The following HDAC5 variants were observed in gnomAD, a reference collection of about 807,000 sequenced individuals.
The protein encoded by HDAC5 is antigen NY-CO-9.
In HDAC5, 25 loss-of-function variants were observed where a neutral mutation model predicts 133.3. The observed-to-expected ratio is 0.19, with a 90% CI of 0.14 to 0.26. The LOEUF is 0.26. HDAC5 is among the 10% of genes least tolerant of loss of function. HDAC5 has a pLI of 1.00. For synonymous variants in HDAC5, 589 were observed against 610.8 expected (o/e 0.96, Z 0.53); for missense variants, 1,041 against 1,460.5 (o/e 0.71, Z 4.68).
At chr17:44,107,335 G>A (rs1420133723) in intron 3 of HDAC5, among the ~76,000 whole-genome samples, 7 of 152,166 alleles carry the variant, frequency 4.6e-5, no homozygotes, top group African/African-American at 7.2e-5. Context: ...AGGGCCGGGC[G>A]TGGTGGCTCA....
intron 3 of HDAC5, among the ~76,000 whole-genome samples, chr17:44,095,712 G>C (rs961715373): frequency 1.3e-5 from 2 of 152,094 alleles, no homozygotes; most frequent in Non-Finnish European, 2.9e-5. Context: ...TGGGGGGAGG[G>C]GGAATAAGAG....
In HDAC5 at chr17:44,117,401, A is replaced by G. The variant is rs2052713899; in HGVS notation, c.22+93T>C. ...CCCCTCATTCCCTTATAGCTCAGAC[A>G]GTAAAGGTCAGCTGGCCTGGAAGGG... On this transcript the variant is annotated intron_variant, in intron 2 of 26. Transcript: ENST00000682912. The surrounding 1 kb of genome is among the most constrained non-coding windows in gnomAD (Gnocchi z 4.2). The G allele has an allele frequency of 1.5e-6, 2 of 1,348,216 alleles. No homozygotes were observed. Among genetic ancestry groups the G allele is most frequent in the African/African-American group, 2.9e-5 (2 of 69,814 alleles). The allele number at this position is 1,348,216 out of a possible 1,614,324, so 83.5% of individuals were successfully genotyped here. A position where few individuals can be genotyped will look rare whatever the true frequency, so the allele number is the denominator to read the frequency against.
At chr17:44,096,567 G>C (rs376105790) in intron 3 of HDAC5, among the ~76,000 whole-genome samples, 19 of 150,392 alleles carry the variant, frequency 1.3e-4, no homozygotes, top group African/African-American at 4.4e-4. Context: ...TCTGCCTCCT[G>C]GGTTCAAGCA....
At chr17:44,116,545 A>G (rs993471386) in intron 2 of HDAC5, among the ~76,000 whole-genome samples, 7 of 152,298 alleles carry the variant, frequency 4.6e-5, no homozygotes, top group Non-Finnish European at 7.4e-5. Flanking sequence ...CCCTATCTCT[A>G]AAAGGAGAAA....
rs112160272 is a variant in HDAC5 at position 44,083,420 on chromosome 17, G to A, written c.2463+125C>T. ...CAGCTGGCAACTCCTTCCCACCCTG[G>A]TGCCTGAGAGTTGAGCTTGCAAAGG... On this transcript the variant is annotated intron_variant, in intron 18 of 26. Transcript: ENST00000682912. The A allele has an allele frequency of 6.2e-3, 4,128 of 663,782 alleles. 130 individuals carry two copies. The African/African-American group carries it at 0.066, about 11-fold the overall frequency. The allele number at this position is 663,782 out of a possible 1,614,324, so 41.1% of individuals were successfully genotyped here. A position where few individuals can be genotyped will look rare whatever the true frequency, so the allele number is the denominator to read the frequency against.
Position 44,092,413 on chromosome 17 carries a change from CTCT to C in HDAC5, c.884_886del (p.Lys295del). 1 of 1,613,912 alleles carries C rather than the reference CTCT, an allele frequency of 6.2e-7. No individual in the cohort carries two copies. The highest frequency in any genetic ancestry group is 8.5e-7 in the Non-Finnish European group (1 of 1,179,842). On this transcript the variant is annotated inframe_deletion, in exon 8 of 27. Coordinates refer to ENST00000682912, the MANE Select transcript of HDAC5 (RefSeq NM_005474.5). ...CCCGGCACCTGTGATCTCAACAGCT[CTCT>C]TCTTAAAGGTGCTAATAACAGTCCC... is the stretch of plus-strand genomic sequence containing the variant.
intron 16 of HDAC5, among the ~76,000 whole-genome samples, chr17:44,084,064 G>A (rs573683022): frequency 2.6e-5 from 4 of 151,880 alleles, no homozygotes; most frequent in South Asian, 2.1e-4. Context: ...GACAGAGGTC[G>A]CAGTGAGCTG....
chr17:44,084,153 G>C (rs1213233798), intron 16 of HDAC5, among the ~76,000 whole-genome samples: 1 of 150,932 alleles, frequency 6.6e-6, no homozygotes, highest in Non-Finnish European at 1.5e-5. Context: ...AACTGCCACA[G>C]GGCTACAGGC....
At chr17:44,099,688 G>A (rs752634260) in intron 3 of HDAC5, among the ~76,000 whole-genome samples, 99 of 151,994 alleles carry the variant, frequency 6.5e-4, no homozygotes, top group Admixed American at 1.4e-3. Flanking sequence ...GTTAGCCAGG[G>A]TGGTCTCGAT....
Position 44,093,798 on chromosome 17 carries a change from C to G in HDAC5, c.131G>C (p.Ser44Thr). The stretch of plus-strand genomic sequence containing the variant: ...GCCTCCACCCCCACCCCCCATGGAA[C>G]TGGGCATGGCTCTTGGCAGCACCGG... ...VKPVLPRAMP[S>T]SMGGGGGGSP... The change falls in exon 4 of 27, where the codon AGT becomes ACT. Residue 44 changes from serine (S) to threonine (T), a missense_variant. Ser to Thr is a moderately conservative substitution (Grantham distance 58). Around this residue, in one of 9 missense-constraint regions of HDAC5, gnomAD observed 93 missense variants for 98.8 expected, o/e 0.94. Coordinates refer to ENST00000682912, the MANE Select transcript of HDAC5 (RefSeq NM_005474.5). 1.3e-6 allele frequency: 2 copies of G among 1,544,810 alleles called. No homozygotes were observed. Among genetic ancestry groups the G allele is most frequent in the East Asian group, 4.5e-5 (2 of 44,144 alleles).
At chr17:44,121,484 G>A (rs1320234758) in intron 1 of HDAC5, among the ~76,000 whole-genome samples, 1 of 139,574 alleles carries the variant, frequency 7.2e-6, no homozygotes, top group East Asian at 2.1e-4. Flanking sequence ...CAGGCTGGCT[G>A]AGCCTAATGC....
chr17:44,079,808 G>C (rs972425412), intron 23 of HDAC5, among the ~76,000 whole-genome samples: 1 of 152,072 alleles, frequency 6.6e-6, no homozygotes, highest in African/African-American at 2.4e-5. Context: ...CAGACTGGCT[G>C]AAGACTCCAA....
chr17:44,094,073 G>C (rs1454521117), intron 3 of HDAC5, among the ~76,000 whole-genome samples: 1 of 152,186 alleles, frequency 6.6e-6, no homozygotes, highest in Non-Finnish European at 1.5e-5. Flanking sequence ...GTAATCTCAG[G>C]TTAGTTTGGG....
At chr17:44,088,283 G>A (rs937806324) in intron 12 of HDAC5, 104 bp downstream of exon 12, 16 of 1,464,844 alleles carry the variant, frequency 1.1e-5, no homozygotes, top group East Asian at 5.0e-5. Flanking sequence ...AATCAGGCGC[G>A]AGCCACCGTG....
In HDAC5 at chr17:44,092,189, G is replaced by C. The variant is rs779473475; in HGVS notation, c.1015C>G (p.Pro339Ala). The part of the protein sequence containing the change: ...IAENGFTGSV[P>A]NIPTEMLPQH... ...GCCTGTACCTCAGTGGGGATGTTGGGGACTGAGCCAGTAAAGCCATTCTCA... is the reference window on the plus strand; with the variant it reads ...GCCTGTACCTCAGTGGGGATGTTGGCGACTGAGCCAGTAAAGCCATTCTCA... The change falls in exon 9 of 27, where the codon CCC (proline) becomes GCC (alanine). Residue 339 changes from proline to alanine, a missense_variant. Pro to Ala is a conservative substitution (Grantham distance 27, BLOSUM62 -1). Transcript: ENST00000682912. 1 of 1,613,954 alleles carries C rather than the reference G, an allele frequency of 6.2e-7. No homozygotes were observed. Among genetic ancestry groups the C allele is most frequent in the Non-Finnish European group, 8.5e-7 (1 of 1,179,908 alleles).
In HDAC5 at chr17:44,080,418, C is replaced by T; in HGVS notation, c.2808G>A (p.Glu936=). The change falls in exon 22 of 27, where the codon GAG becomes GAA. Residue 936 remains glutamate, a synonymous_variant. Transcript: ENST00000682912. ...GTCCCTACCTGAAGGCTGTAAGGTA[C>T]TCCACGTCTCCAATGGGGGGGTCCA... ...GGVDPPIGDV[E]YLTAFRTVVM... 1 of 1,614,062 alleles carries T rather than the reference C, an allele frequency of 6.2e-7. No individual in the cohort carries two copies. The highest frequency in any genetic ancestry group is 1.1e-5 in the South Asian group (1 of 91,088).
chr17:44,082,246 T>G, intron 20 of HDAC5: 8 of 335,810 alleles, frequency 2.4e-5, no homozygotes, highest in East Asian at 6.1e-5. Context: ...CTGCTCCTAA[T>G]TGTAGGGGGT....
chr17:44,084,454 G>C lies in HDAC5; in HGVS notation c.2305+101C>G. ...TCTGCCGCAGCAATGCCCTATGCCCGTGGGGACAACCCTCCTAGCCTGGTC... is the reference window on the plus strand; with the variant it reads ...TCTGCCGCAGCAATGCCCTATGCCCCTGGGGACAACCCTCCTAGCCTGGTC... On this transcript the variant is annotated intron_variant, in intron 16 of 26. Transcript: ENST00000682912. 5 of 1,444,164 alleles carry C rather than the reference G, an allele frequency of 3.5e-6. No individual in the cohort carries two copies. The South Asian group carries it at 6.4e-5, about 18-fold the overall frequency. 89.5% of individuals were successfully genotyped at this position (1,444,164 alleles called of 1,614,324 possible).
rs528920174 is a variant in HDAC5 at position 44,117,009 on chromosome 17, G to A, written c.22+485C>T. On this transcript the variant is annotated intron_variant, in intron 2 of 26. Transcript: ENST00000682912. The surrounding 1 kb of genome is among the most constrained non-coding windows in gnomAD (Gnocchi z 4.2). Reference sequence around the variant, plus strand: ...CACCCAATGCCACGCACCTGCACACGGAGGTTAAGGCCCAGTGCCCTTGTA... The same window carrying A: ...CACCCAATGCCACGCACCTGCACACAGAGGTTAAGGCCCAGTGCCCTTGTA... 5.3e-5 allele frequency among the ~76,000 whole-genome samples: 8 copies of A among 152,262 alleles called. No homozygotes were observed. Among genetic ancestry groups the A allele is most frequent in the East Asian group, 3.9e-4 (2 of 5,186 alleles).
Sources: gnomAD v4.1 joint callset for allele counts (sites outside exome capture counted in the v4.1 genomes callset) on GRCh38, gnomAD v4.1.1 for gene constraint, gnomAD v4.1.1 regional missense constraint, Gnocchi (gnomAD v3.1) non-coding constraint, MANE v1.5 for transcripts, NCBI Gene and HGNC (gene_info 2026-07-23, HGNC 2026-07-21) for gene names.